The following EYS variants were observed in gnomAD, a reference collection of about 807,000 sequenced individuals.
EYS encodes the protein EGF-like photoreceptor maintenance factor.
Under a neutral mutation model 282.1 loss-of-function variants are expected in EYS, and 250 were observed. The ratio of observed to expected loss-of-function variants is 0.89; its 90% CI spans 0.80 to 0.98. The LOEUF (loss-of-function observed/expected upper bound fraction) is 0.98. EYS is among the 50% of genes least tolerant of loss of function. The pLI, the probability that EYS is intolerant of heterozygous loss-of-function variation, is 0.00. For synonymous variants in EYS, 1,355 were observed against 1,282.9 expected, an observed-to-expected ratio of 1.06 and a Z score of -1.20; for missense variants, 4,016 against 3,709.0, an observed-to-expected ratio of 1.08 and a Z score of -2.15.
At chr6:64,494,983 T>C (rs1776847666) in intron 26 of EYS, among the ~76,000 whole-genome samples, 2 of 151,750 alleles carry the variant, frequency 1.3e-5, no homozygotes, top group Admixed American at 1.3e-4. Flanking sequence ...GATTATTCTG[T>C]TACTACTTAA....
intron 28 of EYS, among the ~76,000 whole-genome samples, chr6:64,391,228 C>A (rs910880831): frequency 6.6e-6 from 1 of 151,626 alleles, no homozygotes; most frequent in African/African-American, 2.4e-5. Flanking sequence ...AGAACTTCCC[C>A]AATCTAGCAA....
chr6:64,534,933 A>G (rs1308137192), intron 26 of EYS, among the ~76,000 whole-genome samples: 1 of 152,124 alleles, frequency 6.6e-6, no homozygotes, highest in Non-Finnish European at 1.5e-5. Context: ...ATGCACACAC[A>G]CATACATACA....
At position 64,385,101 on chromosome 6, in the gene EYS, CA is replaced by C. The variant is rs141044763; in HGVS notation, c.6078+3588del. Among the ~76,000 whole-genome samples the C allele has an allele frequency of 9.2e-3, 1,396 of 152,230 alleles. 9 individuals are homozygous for C. The highest frequency in any genetic ancestry group is 0.013 in the Non-Finnish European group (912 of 68,006). ...CTACTGTGCTTAAACAGCTTTTAATCAGAACACAATGATTAGATAGAGCCTG... is the reference window on the plus strand; with the variant it reads ...CTACTGTGCTTAAACAGCTTTTAATCGAACACAATGATTAGATAGAGCCTG... On this transcript the variant is annotated intron_variant, in intron 29 of 42. Coordinates refer to ENST00000503581, the MANE Select transcript of EYS (RefSeq NM_001142800.2).
At chr6:64,618,072 C>T (rs1767331564) in intron 23 of EYS, among the ~76,000 whole-genome samples, 1 of 152,118 alleles carries the variant, frequency 6.6e-6, no homozygotes, top group African/African-American at 2.4e-5. Context: ...TGTCTACGTA[C>T]ATTTGGCCAT....
intron 1 of EYS, among the ~76,000 whole-genome samples, chr6:65,664,249 C>T (rs992218602): frequency 6.6e-6 from 1 of 152,086 alleles, no homozygotes. Flanking sequence ...ACAATCTTCA[C>T]CAAACGTTCA....
chr6:64,565,485 G>GTATACATTAT (rs1765537972), intron 26 of EYS, among the ~76,000 whole-genome samples: 1 of 151,966 alleles, frequency 6.6e-6, no homozygotes, highest in Non-Finnish European at 1.5e-5. Flanking sequence ...TAACTTGGAG[G>GTATACATTAT]ACATTATACA....
intron 22 of EYS, among the ~76,000 whole-genome samples, chr6:64,779,432 G>A (rs1773788459): frequency 6.6e-6 from 1 of 151,974 alleles, no homozygotes; most frequent in Non-Finnish European, 1.5e-5. Context: ...TGACATTCTG[G>A]AAAGAAAAAA....
At chr6:64,810,053 G>A (rs1032750892) in intron 22 of EYS, among the ~76,000 whole-genome samples, 1 of 152,048 alleles carries the variant, frequency 6.6e-6, no homozygotes, top group African/African-American at 2.4e-5. Context: ...TATACAATAT[G>A]TAAGCAATAT....
At chr6:64,223,151 A>C (rs1766152810) in intron 31 of EYS, among the ~76,000 whole-genome samples, 1 of 151,972 alleles carries the variant, frequency 6.6e-6, no homozygotes. Flanking sequence ...ATTAAAAATT[A>C]AGTTGCATGA....
chr6:63,754,913 T>C (rs552533338), intron 41 of EYS, among the ~76,000 whole-genome samples: 9 of 152,222 alleles, frequency 5.9e-5, no homozygotes, highest in Non-Finnish European at 1.3e-4. Flanking sequence ...CTCATTGTGA[T>C]TTTTATTTGC....
intron 14 of EYS, among the ~76,000 whole-genome samples, chr6:64,977,667 G>GAAAAAAA (rs35684989): frequency 8.2e-6 from 1 of 122,000 alleles, no homozygotes; most frequent in Non-Finnish European, 1.7e-5. Flanking sequence ...AGCTGTGAAT[G>GAAAAAAA]AAAAAAAAAA....
chr6:64,802,401 T>TA (rs1764274481), intron 22 of EYS, among the ~76,000 whole-genome samples: 1 of 152,122 alleles, frequency 6.6e-6, no homozygotes. Context: ...AACAAGGTTT[T>TA]TGAGCGTGTA....
intron 22 of EYS, among the ~76,000 whole-genome samples, chr6:64,681,078 T>C (rs1769878320): frequency 2.0e-5 from 3 of 152,140 alleles, no homozygotes. Context: ...AGGAGGAAAG[T>C]GTTAAAACAT....
At chr6:64,743,151 A>G (rs1429099488) in intron 22 of EYS, among the ~76,000 whole-genome samples, 1 of 152,072 alleles carries the variant, frequency 6.6e-6, no homozygotes, top group Non-Finnish European at 1.5e-5. Flanking sequence ...AATGTGATAA[A>G]CCTAAGTTTA....
chr6:64,927,867 GA>G lies in EYS; in HGVS notation c.2382-15125del, dbSNP rs889287258. Among the ~76,000 whole-genome samples, 19 of 151,970 alleles carry G rather than the reference GA, an allele frequency of 1.3e-4. 1 individual carries two copies. Among genetic ancestry groups the G allele is most frequent in the African/African-American group, 4.3e-4 (18 of 41,512 alleles). ...TTTACATTTAAAGATTTCTCATGCT[GA>G]AAAAAAGTATCGATGTTTTGAAATA... On this transcript the variant is annotated intron_variant, in intron 15 of 42. Transcript: ENST00000503581.
intron 29 of EYS, among the ~76,000 whole-genome samples, chr6:64,327,008 A>G (rs1400570732): frequency 1.3e-5 from 2 of 152,114 alleles, no homozygotes; most frequent in Non-Finnish European, 2.9e-5. Context: ...CCAGATGTGG[A>G]TGGGGCCCAC....
At chr6:63,776,458 T>G (rs1770067375) in intron 40 of EYS, among the ~76,000 whole-genome samples, 1 of 152,186 alleles carries the variant, frequency 6.6e-6, no homozygotes. Flanking sequence ...TCACAGTCTC[T>G]GGGGCTTATT....
chr6:63,978,100 T>C (rs1468394791), intron 35 of EYS, among the ~76,000 whole-genome samples: 1 of 152,022 alleles, frequency 6.6e-6, no homozygotes, highest in African/African-American at 2.4e-5. Flanking sequence ...ATGTACACCA[T>C]CAATGACAGA....
chr6:64,610,486 C>T (rs1355836968), intron 24 of EYS, among the ~76,000 whole-genome samples: 1 of 150,482 alleles, frequency 6.6e-6, no homozygotes, highest in African/African-American at 2.5e-5. Flanking sequence ...TCACTGCCAG[C>T]TCCAAATCCC....
Sources: gnomAD v4.1 joint callset for allele counts (sites outside exome capture counted in the v4.1 genomes callset) on GRCh38, gnomAD v4.1.1 for gene constraint, MANE v1.5 for transcripts, NCBI Gene and HGNC (gene_info 2026-07-23, HGNC 2026-07-21) for gene names.